The following ILDR2 variants were observed in gnomAD, a reference collection of about 807,000 sequenced individuals.
The protein encoded by ILDR2 is immunoglobulin-like domain-containing receptor 2.
Under a neutral mutation model 66.8 loss-of-function variants are expected in ILDR2, and 25 were observed. The observed-to-expected ratio is 0.37, with a 90% confidence interval of 0.27 to 0.52. The LOEUF (loss-of-function observed/expected upper bound fraction) is 0.52, where lower values mean the gene tolerates loss of function less well. Ranked by LOEUF, ILDR2 falls within the 20% of genes least tolerant of loss-of-function variation. ILDR2 has a pLI of 0.88. For missense variants in ILDR2, 827 were observed against 876.8 expected, an observed-to-expected ratio of 0.94 and a Z score of 0.72; for synonymous variants, 367 against 357.2, an observed-to-expected ratio of 1.03 and a Z score of -0.31.
At position 166,920,954 on chromosome 1, in the gene ILDR2, C is replaced by A; in HGVS notation, c.1637G>T (p.Gly546Val). 3 of 1,484,122 alleles carry A rather than the reference C, an allele frequency of 2.0e-6. No homozygotes were observed. Among genetic ancestry groups the A allele is most frequent in the Non-Finnish European group, 2.7e-6 (3 of 1,127,300 alleles). 91.9% of individuals were successfully genotyped at this position (1,484,122 alleles called of 1,614,324 possible). Residue 546 changes from glycine to valine, a missense_variant, in exon 9 of 10, where the codon GGC becomes GTC. Physicochemically the swap from Gly to Val is moderately radical, Grantham distance 109. Transcript: ENST00000271417. Reference sequence around the variant, plus strand: ...CCGCTTGGATGGCGTCTCCAGGCTGCCACCGCGGCTGGCGCCCTCGGGCCG... The same window carrying A: ...CCGCTTGGATGGCGTCTCCAGGCTGACACCGCGGCTGGCGCCCTCGGGCCG... Reference protein sequence around the residue: ...QARPEGASRGGSLETPSKRSA... With the variant: ...QARPEGASRGVSLETPSKRSA...
At position 166,920,967 on chromosome 1, in the gene ILDR2, C is replaced by T. The variant is rs764034488; in HGVS notation, c.1624G>A (p.Ala542Thr). ...GTCTCCAGGCTGCCACCGCGGCTGG[C>T]GCCCTCGGGCCGCGCCTGGCGCTCC... Reference protein sequence around the residue: ...ARERQARPEGASRGGSLETPS... With the variant: ...ARERQARPEGTSRGGSLETPS... Residue 542 changes from alanine to threonine, a missense_variant, in exon 9 of 10, where the codon GCC becomes ACC. Ala to Thr is a moderately conservative substitution (Grantham distance 58). This residue lies in a region of ILDR2 where 390 missense variants were observed against 353.6 expected (regional missense o/e 1.10). Transcript: ENST00000271417. The T allele has an allele frequency of 6.7e-6, 10 of 1,482,676 alleles. No homozygotes were observed. The highest frequency in any genetic ancestry group is 2.8e-5 in the East Asian group (1 of 35,632). The allele number at this position is 1,482,676 out of a possible 1,614,324, so 91.8% of individuals were successfully genotyped here.
Position 166,908,664 on chromosome 1 carries a change from A to G in ILDR2, c.*10691T>C, listed in dbSNP as rs1016669070. 20 of 152,436 alleles carry G rather than the reference A, an allele frequency of 1.3e-4. No homozygotes were observed. The highest frequency in any genetic ancestry group is 4.6e-4 in the African/African-American group (19 of 41,588). The allele number at this position is 152,436 out of a possible 1,614,324, so 9.4% of individuals were successfully genotyped here. On this transcript the variant is annotated 3_prime_UTR_variant, in exon 10 of 10. Transcript: ENST00000271417. ...GACAACAGGAAGTAGGAGACAAGAAATGAGGGTACCAGAAGAATCCAGGGA... is the reference window on the plus strand; with the variant it reads ...GACAACAGGAAGTAGGAGACAAGAAGTGAGGGTACCAGAAGAATCCAGGGA...
In ILDR2 at chr1:166,956,818, T is replaced by C; in HGVS notation, c.414A>G (p.Gly138=). The C allele has an allele frequency of 6.2e-7, 1 of 1,614,002 alleles. No homozygotes were observed. Among genetic ancestry groups the C allele is most frequent in the Non-Finnish European group, 8.5e-7 (1 of 1,179,942 alleles). Reference sequence around the variant, plus strand: ...TAATACAGTAATAGAGTCCGCTGTCTCCCCACATAAGCTTTCCAATTTGAA... The same window carrying C: ...TAATACAGTAATAGAGTCCGCTGTCCCCCCACATAAGCTTTCCAATTTGAA... The part of the protein sequence containing the change: ...ADLQIGKLMW[G]DSGLYYCIIT... The change falls in exon 3 of 10, where the codon GGA becomes GGG. Residue 138 remains glycine, a synonymous_variant. Transcript: ENST00000271417.
intron 6 of ILDR2, among the ~76,000 whole-genome samples, chr1:166,932,824 A>G (rs1660713375): frequency 6.6e-6 from 1 of 152,256 alleles, no homozygotes; most frequent in Non-Finnish European, 1.5e-5. Context: ...TTACCCTAAA[A>G]TTGAAGTAGT....
At chr1:166,941,366 T>C (rs995448267) in intron 3 of ILDR2, among the ~76,000 whole-genome samples, 4 of 152,194 alleles carry the variant, frequency 2.6e-5, no homozygotes, top group Non-Finnish European at 4.4e-5. Flanking sequence ...TAAGCCTTCA[T>C]AAAAGACTAA....
In ILDR2 at chr1:166,919,262, A is replaced by C; in HGVS notation, c.*93T>G. On this transcript the variant is annotated 3_prime_UTR_variant, in exon 10 of 10. Coordinates refer to ENST00000271417, the MANE Select transcript of ILDR2 (RefSeq NM_199351.3). ...CAGCAAATCTTCCAAGGTGATGGCC[A>C]GAGAAGGTCCTGGGCCTGCTGGTTC... The C allele has an allele frequency of 2.5e-6, 3 of 1,189,796 alleles. No homozygotes were observed. The highest frequency in any genetic ancestry group is 2.5e-6 in the Non-Finnish European group (2 of 813,170). 73.7% of individuals were successfully genotyped at this position (1,189,796 alleles called of 1,614,324 possible).
intron 5 of ILDR2, among the ~76,000 whole-genome samples, chr1:166,935,716 A>G (rs1277483778): frequency 6.6e-6 from 1 of 152,210 alleles, no homozygotes; most frequent in Non-Finnish European, 1.5e-5. Context: ...GTACCTGGCA[A>G]CTAAATAATT....
chr1:166,957,648 TA>T (rs1421392662), intron 2 of ILDR2, 120 bp downstream of exon 2: 1 of 821,820 alleles, frequency 1.2e-6, no homozygotes, highest in Non-Finnish European at 1.9e-6. Flanking sequence ...TCCAATAAAA[TA>T]AAAGTCTTGA....
At chr1:166,973,622 C>G (rs1021159408) in intron 1 of ILDR2, among the ~76,000 whole-genome samples, 1 of 135,782 alleles carries the variant, frequency 7.4e-6, no homozygotes, top group African/African-American at 2.6e-5. Context: ...TCCCCCCCCC[C>G]CCCGATGCCT....
rs1659638343 is a variant in ILDR2 at position 166,916,233 on chromosome 1, A to C, written c.*3122T>G. The stretch of plus-strand genomic sequence containing the variant: ...CCTAATTCACCTCTTTTCAGTTCAG[A>C]CTTTTGAGTATTGGCTTTTCAGATC... On this transcript the variant is annotated 3_prime_UTR_variant, in exon 10 of 10. Transcript: ENST00000271417. 3 of 152,124 alleles carry C rather than the reference A, an allele frequency of 2.0e-5. No individual in the cohort carries two copies. The highest frequency in any genetic ancestry group is 2.0e-4 in the Admixed American group (3 of 15,256). 9.4% of individuals were successfully genotyped at this position (152,124 alleles called of 1,614,324 possible). A position where few individuals can be genotyped will look rare whatever the true frequency, so the allele number is the denominator to read the frequency against.
chr1:166,909,758 T>A lies in ILDR2; in HGVS notation c.*9597A>T, dbSNP rs796386340. ...ATACATATATATATATATATATATA[T>A]AAATATATATAAATATATATATTTA... On this transcript the variant is annotated 3_prime_UTR_variant, in exon 10 of 10. Coordinates refer to ENST00000271417, the MANE Select transcript of ILDR2 (RefSeq NM_199351.3). The A allele has an allele frequency of 1.9e-3, 140 of 74,334 alleles. 5 individuals are homozygous for A. In the South Asian group the frequency reaches 0.035, roughly 18 times the overall value. 4.6% of individuals were successfully genotyped at this position (74,334 alleles called of 1,614,324 possible). A position where few individuals can be genotyped will look rare whatever the true frequency, so the allele number is the denominator to read the frequency against.
intron 7 of ILDR2, among the ~76,000 whole-genome samples, chr1:166,923,238 A>G (rs1571108574): frequency 6.6e-6 from 1 of 152,352 alleles, no homozygotes; most frequent in East Asian, 1.9e-4. Context: ...CAGAAGCCAT[A>G]GATCACAGCA....
chr1:166,934,818 T>G (rs1190648745), intron 6 of ILDR2, among the ~76,000 whole-genome samples: 1 of 152,222 alleles, frequency 6.6e-6, no homozygotes, highest in Non-Finnish European at 1.5e-5. Flanking sequence ...ACCTCCTCCC[T>G]GAAGATTTTG....
rs1207641409 is a variant in ILDR2 at position 166,936,080 on chromosome 1, T to C, written c.703+511A>G. Among the ~76,000 whole-genome samples, 7 of 152,066 alleles carry C rather than the reference T, an allele frequency of 4.6e-5. No homozygotes were observed. Among genetic ancestry groups the C allele is most frequent in the Non-Finnish European group, 8.8e-5 (6 of 68,014 alleles). ...GTCTATATGGGCTTGGCCAGTAAGG[T>C]AAAAATTGTGAATCCTCAAATAAGA... On this transcript the variant is annotated intron_variant, in intron 5 of 9. Transcript: ENST00000271417. The surrounding 1 kb of genome is among the most constrained non-coding windows in gnomAD (Gnocchi z 5.0).
Position 166,911,033 on chromosome 1 carries a change from A to T in ILDR2, c.*8322T>A, listed in dbSNP as rs1659461094. On this transcript the variant is annotated 3_prime_UTR_variant, in exon 10 of 10. Transcript: ENST00000271417. Reference sequence around the variant, plus strand: ...CACCTTTGTCTCCCTAACTGTTGGGATTTCAGGTGTGAGCCACAGGGCCCG... The same window carrying T: ...CACCTTTGTCTCCCTAACTGTTGGGTTTTCAGGTGTGAGCCACAGGGCCCG... 6.6e-6 allele frequency: 1 copy of T among 151,992 alleles called. No individual in the cohort carries two copies. The highest frequency in any genetic ancestry group is 1.5e-5 in the Non-Finnish European group (1 of 68,016). 9.4% of individuals were successfully genotyped at this position (151,992 alleles called of 1,614,324 possible).
chr1:166,968,666 G>A (rs1287542275), intron 1 of ILDR2, among the ~76,000 whole-genome samples: 1 of 152,118 alleles, frequency 6.6e-6, no homozygotes, highest in Non-Finnish European at 1.5e-5. Context: ...TGGTCAATGG[G>A]TTGTGAGCAG....
chr1:166,927,288 C>G (rs747651919), intron 6 of ILDR2, 108 bp from the exon 7 acceptor site: 2 of 696,188 alleles, frequency 2.9e-6, no homozygotes, highest in Non-Finnish European at 5.0e-6. Context: ...TATAACAACT[C>G]TTTTTGAAAT....
Position 166,919,382 on chromosome 1 carries a change from A to G in ILDR2, c.1893T>C (p.Phe631=), listed in dbSNP as rs758692023. Residue 631 remains phenylalanine (F), a synonymous_variant, in exon 10 of 10, where the codon TTT becomes TTC. Coordinates refer to ENST00000271417, the MANE Select transcript of ILDR2 (RefSeq NM_199351.3). The part of the protein sequence containing the change: ...KKEPAKKTND[F]PTRMSLVV ...AGACCACAAGGGACATCCTGGTTGG[A>G]AAGTCATTCTAGGAAAGAGCAGAAA... 1.2e-6 allele frequency: 2 copies of G among 1,609,196 alleles called. No individual in the cohort carries two copies. Among genetic ancestry groups the G allele is most frequent in the South Asian group, 1.1e-5 (1 of 90,676 alleles).
chr1:166,920,541 G>C (rs1028557976), intron 9 of ILDR2, 166 bp downstream of exon 9: 1 of 375,318 alleles, frequency 2.7e-6, no homozygotes, highest in African/African-American at 2.2e-5. Flanking sequence ...AAAAGCCCCC[G>C]GCCTAGCATC....
Sources: gnomAD v4.1 joint callset for allele counts (sites outside exome capture counted in the v4.1 genomes callset) on GRCh38, gnomAD v4.1.1 for gene constraint, gnomAD v4.1.1 regional missense constraint, Gnocchi (gnomAD v3.1) non-coding constraint, MANE v1.5 for transcripts, NCBI Gene and HGNC (gene_info 2026-07-23, HGNC 2026-07-21) for gene names.